EVL: variants seen among roughly 807,000 people sequenced by gnomAD.
EVL encodes ena/VASP-like protein.
EVL carries 21 observed loss-of-function variants against 59.6 expected under a neutral mutation model. That is an observed-to-expected ratio of 0.35 (90% confidence interval 0.25 to 0.51). EVL has a LOEUF of 0.51. Among genes scored for constraint, EVL ranks in the 20% least tolerant of loss-of-function variants. EVL has a pLI of 0.97. For missense variants in EVL, 462 were observed against 546.6 expected (o/e 0.85, Z 1.54); for synonymous variants, 198 against 203.5 (o/e 0.97, Z 0.23).
chr14:100,073,147 C>T (rs1276339404), intron 1 of EVL, among the ~76,000 whole-genome samples: 1 of 151,758 alleles, frequency 6.6e-6, no homozygotes, highest in Non-Finnish European at 1.5e-5. Flanking sequence ...GACTGAGGTC[C>T]CCCCACCCAC....
At chr14:100,091,667 C>T (rs995724066) in intron 2 of EVL, among the ~76,000 whole-genome samples, 1 of 152,130 alleles carries the variant, frequency 6.6e-6, no homozygotes, top group African/African-American at 2.4e-5. Flanking sequence ...ACCCGTAAAC[C>T]TAGGTAAACG....
intron 1 of EVL, among the ~76,000 whole-genome samples, chr14:100,042,312 C>A (rs2061479458): frequency 6.6e-6 from 1 of 152,112 alleles, no homozygotes; most frequent in Non-Finnish European, 1.5e-5. Context: ...TGAACTGAGA[C>A]AGAAAGTAAC....
intron 1 of EVL, among the ~76,000 whole-genome samples, chr14:100,038,771 G>GGTGTGTGTGTGTGTGT (rs61309441): frequency 0.14 from 19,685 of 140,770 alleles, 1,824 homozygotes; most frequent in Non-Finnish European, 0.18. Context: ...TGTGCCCTGG[G>GGTGTGTGTGTGTGTGT]GTGTGTGTGT....
intron 1 of EVL, among the ~76,000 whole-genome samples, chr14:99,991,756 T>A (rs1252979389): frequency 6.6e-6 from 1 of 152,180 alleles, no homozygotes; most frequent in African/African-American, 2.4e-5. Flanking sequence ...GGAAAAGGGT[T>A]AAGAATACAG....
intron 2 of EVL, among the ~76,000 whole-genome samples, chr14:100,087,626 C>CAA (rs1238335273): frequency 6.6e-6 from 1 of 151,970 alleles, no homozygotes; most frequent in African/African-American, 2.4e-5. Flanking sequence ...AAAACAAAAA[C>CAA]AAAAAATGTT....
intron 13 of EVL, among the ~76,000 whole-genome samples, chr14:100,142,967 G>C (rs1341022488): frequency 6.6e-6 from 1 of 152,186 alleles, no homozygotes; most frequent in Non-Finnish European, 1.5e-5. Flanking sequence ...CAGGGGCTCT[G>C]AGAAGCAGCT....
intron 1 of EVL, among the ~76,000 whole-genome samples, chr14:99,998,842 A>G (rs895784959): frequency 4.6e-5 from 7 of 152,202 alleles, no homozygotes; most frequent in Non-Finnish European, 8.8e-5. Flanking sequence ...CATTTTGCTC[A>G]GGAGGAAATT....
At chr14:100,070,459 G>A (rs1318436937) in intron 1 of EVL, among the ~76,000 whole-genome samples, 6 of 152,114 alleles carry the variant, frequency 3.9e-5, no homozygotes, top group South Asian at 4.1e-4. Flanking sequence ...TGCAGTCTCC[G>A]TCATTCTGTG....
At chr14:100,000,443 G>A (rs1252197319) in intron 1 of EVL, among the ~76,000 whole-genome samples, 2 of 150,602 alleles carry the variant, frequency 1.3e-5, no homozygotes, top group Non-Finnish European at 2.9e-5. Context: ...CGCCTCCTGG[G>A]TTCAAACGAT....
At chr14:100,056,007 T>A (rs2061726064) in intron 1 of EVL, among the ~76,000 whole-genome samples, 1 of 152,024 alleles carries the variant, frequency 6.6e-6, no homozygotes, top group South Asian at 2.1e-4. Context: ...AGACAAGGTT[T>A]CACCATGTTG....
At chr14:100,117,032 C>A (rs375589322) in intron 3 of EVL, among the ~76,000 whole-genome samples, 12 of 152,310 alleles carry the variant, frequency 7.9e-5, no homozygotes, top group African/African-American at 2.6e-4. Flanking sequence ...GAAGACAGGA[C>A]GGGGACCAAG....
At chr14:100,123,666 C>A in intron 4 of EVL, 64 bp downstream of exon 4, 1 of 1,564,740 alleles carries the variant, frequency 6.4e-7, no homozygotes, top group Non-Finnish European at 8.8e-7. Flanking sequence ...GCCAGGGGTG[C>A]CTTCAGCGGG....
intron 3 of EVL, among the ~76,000 whole-genome samples, chr14:100,121,252 C>T (rs1347962642): frequency 6.6e-6 from 1 of 152,188 alleles, no homozygotes; most frequent in Non-Finnish European, 1.5e-5. Flanking sequence ...CCAAGGGCCA[C>T]CAGCAGTCTG....
chr14:100,086,897 G>A (rs58607649), intron 2 of EVL, among the ~76,000 whole-genome samples: 1 of 152,268 alleles, frequency 6.6e-6, no homozygotes, highest in African/African-American at 2.4e-5. Context: ...GAGATTCTTG[G>A]TAAACCAAGA....
At position 100,006,212 on chromosome 14, in the gene EVL, C is replaced by T. The variant is rs144416580; in HGVS notation, c.5+34155C>T. Among the ~76,000 whole-genome samples the T allele has an allele frequency of 8.2e-3, 1,240 of 150,964 alleles. 7 individuals carry two copies. Among genetic ancestry groups the T allele is most frequent in the Middle Eastern group, 0.017 (5 of 292 alleles). The stretch of plus-strand genomic sequence containing the variant: ...AGACAAAACAGTCAAGCAAAACAAA[C>T]GATGGCACAACTTATACAATTACTG... On this transcript the variant is annotated intron_variant, in intron 1 of 13. Coordinates refer to the EVL transcript ENST00000402714.
intron 2 of EVL, among the ~76,000 whole-genome samples, chr14:100,091,807 T>C (rs1476956461): frequency 6.6e-6 from 1 of 152,178 alleles, no homozygotes; most frequent in Non-Finnish European, 1.5e-5. Flanking sequence ...GCATCTGAAG[T>C]TGGGGTAGTC....
intron 1 of EVL, among the ~76,000 whole-genome samples, chr14:100,046,753 CT>C (rs759300292): frequency 0.028 from 3,761 of 132,506 alleles, 78 homozygotes; most frequent in Admixed American, 0.046. Context: ...CTTTTTCTTT[CT>C]TTTTTTTTTT....
intron 3 of EVL, among the ~76,000 whole-genome samples, chr14:100,113,387 T>C (rs1329444792): frequency 1.3e-5 from 2 of 152,196 alleles, no homozygotes; most frequent in African/African-American, 4.8e-5. Context: ...CAAGTCTATA[T>C]GCTCAGAACG....
chr14:100,015,652 C>G (rs1286123080), intron 1 of EVL, among the ~76,000 whole-genome samples: 1 of 152,228 alleles, frequency 6.6e-6, no homozygotes, highest in East Asian at 1.9e-4. Flanking sequence ...TGAGCCTGTC[C>G]TGGTAGAGAG....
Sources: gnomAD v4.1 joint callset for allele counts (sites outside exome capture counted in the v4.1 genomes callset) on GRCh38, gnomAD v4.1.1 for gene constraint, MANE v1.5 for transcripts, NCBI Gene and HGNC (gene_info 2026-07-23, HGNC 2026-07-21) for gene names.